Variants in SCN11A observed in about 807,000 individuals in gnomAD.
SCN11A encodes the protein sodium channel protein type 11 subunit alpha.
Under a neutral mutation model 162.2 loss-of-function variants are expected in SCN11A, and 122 were observed. The observed-to-expected ratio is 0.75, with a 90% CI of 0.65 to 0.87. The LOEUF (loss-of-function observed/expected upper bound fraction) is 0.87, where lower values mean the gene tolerates loss of function less well. Among genes scored for constraint, SCN11A ranks in the 40% least tolerant of loss-of-function variants. SCN11A has a pLI of 0.00. For missense variants in SCN11A, 2,015 were observed against 2,181.6 expected, an observed-to-expected ratio of 0.92 and a Z score of 1.52; for synonymous variants, 758 against 751.5, an observed-to-expected ratio of 1.01 and a Z score of -0.14.
At chr3:38,848,641 C>T (rs1437652655) in intron 29 of SCN11A, among the ~76,000 whole-genome samples, 2 of 152,240 alleles carry the variant, frequency 1.3e-5, no homozygotes, top group Non-Finnish European at 2.9e-5. Flanking sequence ...TCAGCAACAA[C>T]TGGAGGAGGC....
intron 19 of SCN11A, 28 bp downstream of exon 19, chr3:38,894,505 C>A: frequency 6.4e-7 from 1 of 1,555,860 alleles, no homozygotes; most frequent in Non-Finnish European, 8.7e-7. Flanking sequence ...TTTGTATGAC[C>A]TTTAAGTCTA....
At chr3:38,996,123 T>C (rs2030624072) in intron 2 of SCN11A, among the ~76,000 whole-genome samples, 2 of 152,184 alleles carry the variant, frequency 1.3e-5, no homozygotes, top group African/African-American at 4.8e-5. Flanking sequence ...GGCAACTTGA[T>C]CTTGGACTTC....
intron 2 of SCN11A, among the ~76,000 whole-genome samples, chr3:38,989,520 T>C (rs2030382777): frequency 6.7e-6 from 1 of 149,392 alleles, no homozygotes. Context: ...TTACTCTAAC[T>C]GCTTTTCAGA....
intron 22 of SCN11A, among the ~76,000 whole-genome samples, chr3:38,882,175 A>G (rs530885785): frequency 6.6e-6 from 1 of 152,334 alleles, no homozygotes; most frequent in Non-Finnish European, 1.5e-5. Context: ...TGTAGTAAGT[A>G]GACAAATGGA....
chr3:38,884,146 T>C (rs770887470), intron 21 of SCN11A, among the ~76,000 whole-genome samples: 64 of 152,236 alleles, frequency 4.2e-4, no homozygotes, highest in Non-Finnish European at 8.7e-4. Context: ...TAAACCACTA[T>C]GGGCTCTCTT....
Position 38,919,971 on chromosome 3 carries a change from G to A in SCN11A, c.923C>T (p.Pro308Leu), listed in dbSNP as rs751477540. ...CCAGATGCCACACATTTTGAATTCA[G>A]GTGAATTTTCTTTCTTTTCAAAGCA... ...DHCFEKKENS[P>L]EFKMCGIWMG... The change falls in exon 11 of 30, where the codon CCT (proline) becomes CTT (leucine). Residue 308 changes from proline to leucine, a missense_variant. By Grantham distance (98) the Pro-to-Leu change is moderately conservative. Coordinates refer to ENST00000302328, the MANE Select transcript of SCN11A (RefSeq NM_001349253.2). The A allele has an allele frequency of 4.0e-5, 65 of 1,613,322 alleles. No homozygotes were observed. The East Asian group carries it at 1.2e-3, about 29-fold the overall frequency.
Position 38,902,584 on chromosome 3 carries a change from C to A in SCN11A, c.1842+1281G>T, listed in dbSNP as rs183585345. ...CCAGGCTGGAGTGCAGTGGCACGAT[C>A]TCGGCTCACTGCAAGATCCGCCTCC... On this transcript the variant is annotated intron_variant, in intron 16 of 29. Coordinates refer to ENST00000302328, the MANE Select transcript of SCN11A (RefSeq NM_001349253.2). Among the ~76,000 whole-genome samples, 12 of 151,378 alleles carry A rather than the reference C, an allele frequency of 7.9e-5. No homozygotes were observed. The East Asian group carries it at 1.9e-3, about 25-fold the overall frequency.
chr3:39,009,975 G>A (rs1241811751), intron 2 of SCN11A, among the ~76,000 whole-genome samples: 1 of 150,884 alleles, frequency 6.6e-6, no homozygotes, highest in African/African-American at 2.4e-5. Flanking sequence ...ATGAGCCACT[G>A]TGCCCAGCCA....
chr3:39,034,337 A>G (rs2031845546), intron 1 of SCN11A, among the ~76,000 whole-genome samples: 1 of 152,254 alleles, frequency 6.6e-6, no homozygotes. Flanking sequence ...TATTAACAGA[A>G]TAAAGGACAA....
At chr3:38,900,140 G>GTGATCTCATTGTTCAATTGGACACA in intron 16 of SCN11A, 67 bp from the exon 17 acceptor site, 2 of 1,239,814 alleles carry the variant, frequency 1.6e-6, no homozygotes, top group Non-Finnish European at 2.3e-6. Context: ...AATGGCCCAA[G>GTGATCTCATTGTTCAATTGGACACA]GGAAGTACAG....
intron 2 of SCN11A, among the ~76,000 whole-genome samples, chr3:39,022,052 C>A (rs758876138): frequency 2.8e-4 from 43 of 152,134 alleles, no homozygotes; most frequent in African/African-American, 9.6e-4. Context: ...CTAAGGCTGC[C>A]CCTCCTTTTT....
At chr3:38,867,225 C>T in intron 27 of SCN11A, 96 bp downstream of exon 27, 1 of 1,199,752 alleles carries the variant, frequency 8.3e-7, no homozygotes, top group African/African-American at 1.5e-5. Context: ...ATCATAAAGG[C>T]TACTTTGTAT....
chr3:39,029,834 T>G (rs1271651765), intron 2 of SCN11A, among the ~76,000 whole-genome samples: 1 of 152,246 alleles, frequency 6.6e-6, no homozygotes, highest in Non-Finnish European at 1.5e-5. Flanking sequence ...TTCACAACCC[T>G]AATTTTGAAT....
intron 2 of SCN11A, among the ~76,000 whole-genome samples, chr3:39,029,891 T>C (rs530858765): frequency 2.0e-5 from 3 of 152,324 alleles, no homozygotes; most frequent in South Asian, 4.1e-4. Context: ...GTGCTTTCTA[T>C]AGGGAGATTA....
Position 38,926,828 on chromosome 3 carries a change from G to C in SCN11A, c.592C>G (p.Leu198Val). 1 of 1,613,784 alleles carries C rather than the reference G, an allele frequency of 6.2e-7. No homozygotes were observed. The highest frequency in any genetic ancestry group is 8.5e-7 in the Non-Finnish European group (1 of 1,179,714). Residue 198 changes from leucine (L) to valine (V), a missense_variant, in exon 8 of 30, where the codon CTG (leucine) becomes GTG (valine). Transcript: ENST00000302328. Reference protein sequence around the residue: ...FSFLRDPWNWLDSIVIGIAIV... With the variant: ...FSFLRDPWNWVDSIVIGIAIV... ...GCTATTCCAATGACAATGGAGTCCA[G>C]CCAGTTCCATGGATCTCGAAGGAAA... is the stretch of plus-strand genomic sequence containing the variant.
intron 19 of SCN11A, among the ~76,000 whole-genome samples, chr3:38,892,978 A>T (rs963720465): frequency 6.6e-6 from 1 of 152,092 alleles, no homozygotes; most frequent in African/African-American, 2.4e-5. Context: ...CATATAGAAG[A>T]CAAACAGGAA....
At chr3:38,985,048 T>C (rs2030184886) in intron 2 of SCN11A, among the ~76,000 whole-genome samples, 1 of 150,146 alleles carries the variant, frequency 6.7e-6, no homozygotes, top group Admixed American at 6.6e-5. Context: ...AGTTTTGTGA[T>C]ACAATGAAAG....
intron 9 of SCN11A, among the ~76,000 whole-genome samples, chr3:38,924,067 A>G (rs2066096345): frequency 6.6e-6 from 1 of 152,150 alleles, no homozygotes; most frequent in Non-Finnish European, 1.5e-5. Flanking sequence ...TGGGGAATCC[A>G]GAGAGGTGGA....
chr3:38,867,417 G>A lies in SCN11A; in HGVS notation c.3855C>T (p.Tyr1285=). The A allele has an allele frequency of 6.2e-6, 10 of 1,613,074 alleles. No individual in the cohort carries two copies. Among genetic ancestry groups the A allele is most frequent in the Non-Finnish European group, 8.5e-6 (10 of 1,179,226 alleles). The part of the protein sequence containing the change: ...QPEFESNSLG[Y]IYFVVFIIFG... Reference sequence around the variant, plus strand: ...AGATGATAAAGACTACGAAGTAAATGTAACCGAGTGAATTGCTCTCAAACT... The same window carrying A: ...AGATGATAAAGACTACGAAGTAAATATAACCGAGTGAATTGCTCTCAAACT... Residue 1285 remains tyrosine, a synonymous_variant, in exon 27 of 30, where the codon TAC becomes TAT. Coordinates refer to ENST00000302328, the MANE Select transcript of SCN11A (RefSeq NM_001349253.2).
Sources: gnomAD v4.1 joint callset for allele counts (sites outside exome capture counted in the v4.1 genomes callset) on GRCh38, gnomAD v4.1.1 for gene constraint, MANE v1.5 for transcripts, NCBI Gene and HGNC (gene_info 2026-07-23, HGNC 2026-07-21) for gene names.